Variants in PRIM2 observed in about 807,000 individuals in gnomAD.
The protein encoded by PRIM2 is DNA primase large subunit.
Under a neutral mutation model 67.3 loss-of-function variants are expected in PRIM2, and 39 were observed. That is an observed-to-expected ratio of 0.58 (90% CI 0.45 to 0.76). PRIM2 has a LOEUF of 0.76. PRIM2 is among the 30% of genes least tolerant of loss of function. PRIM2 has a pLI of 0.00. For synonymous variants in PRIM2, 143 were observed against 198.7 expected, an observed-to-expected ratio of 0.72 and a Z score of 2.36; for missense variants, 398 against 598.7, an observed-to-expected ratio of 0.66 and a Z score of 3.50.
chr6:57,305,564 C>T, the PRIM2 span, among the ~76,000 whole-genome samples: 1 of 152,222 alleles, frequency 6.6e-6, no homozygotes, highest in Non-Finnish European at 1.5e-5. Flanking sequence ...TGTGAAATAA[C>T]TACGTCATTT....
chr6:57,443,578 G>T (rs1376106824), intron 7 of PRIM2, among the ~76,000 whole-genome samples: 2 of 151,966 alleles, frequency 1.3e-5, no homozygotes, highest in African/African-American at 4.8e-5. Flanking sequence ...GTCTATTCTG[G>T]TCCCTTGCCC....
intron 7 of PRIM2, among the ~76,000 whole-genome samples, chr6:57,450,446 GCATAATGCCAA>G (rs1772506247): frequency 6.6e-6 from 1 of 152,158 alleles, no homozygotes; most frequent in African/African-American, 2.4e-5. Context: ...AAGAATCTTA[GCATAATGCCAA>G]CATAGTGCCA....
intron 12 of PRIM2, among the ~76,000 whole-genome samples, chr6:57,628,002 T>C (rs1475164110): frequency 4.3e-4 from 66 of 152,196 alleles, no homozygotes; most frequent in African/African-American, 1.5e-3. Flanking sequence ...TGTTCTTTGG[T>C]ATTATTGCAA....
At chr6:57,473,028 A>C (rs1773375891) in intron 7 of PRIM2, among the ~76,000 whole-genome samples, 2 of 152,340 alleles carry the variant, frequency 1.3e-5, no homozygotes, top group South Asian at 4.1e-4. Context: ...TATGATTTAT[A>C]ATACCCATTA....
chr6:57,393,739 G>C (rs1483817061), intron 7 of PRIM2, among the ~76,000 whole-genome samples: 1 of 151,872 alleles, frequency 6.6e-6, no homozygotes, highest in Admixed American at 6.6e-5. Flanking sequence ...CCTTGCCTAA[G>C]CCAGTGTCTA....
At chr6:57,379,148 A>G (rs1487696123) in intron 5 of PRIM2, among the ~76,000 whole-genome samples, 1 of 114,328 alleles carries the variant, frequency 8.7e-6, no homozygotes, top group Admixed American at 1.0e-4. Flanking sequence ...GGAAAATAGT[A>G]CACATTATTA....
chr6:57,568,871 C>G (rs1775802115), intron 10 of PRIM2, among the ~76,000 whole-genome samples: 1 of 152,238 alleles, frequency 6.6e-6, no homozygotes, highest in Non-Finnish European at 1.5e-5. Context: ...CTTGCAACCT[C>G]TTTGGGAGCT....
intron 8 of PRIM2, among the ~76,000 whole-genome samples, chr6:57,527,215 A>C (rs1361790547): frequency 6.6e-6 from 1 of 152,234 alleles, no homozygotes; most frequent in East Asian, 1.9e-4. Context: ...CATTGTAAAG[A>C]TGAGTGAAGA....
In PRIM2 at chr6:57,351,860, G is replaced by A. The variant is rs554425254; in HGVS notation, c.459+25815G>A. Among the ~76,000 whole-genome samples the A allele has an allele frequency of 9.6e-4, 146 of 152,214 alleles. 1 individual carries two copies. The highest frequency in any genetic ancestry group is 9.1e-3 in the South Asian group (44 of 4,820). ...TTGCTAAGGGAGAGAGGATGAATAA[G>A]ATCTGGGAAAATTAATCTTATAGTA... On this transcript the variant is annotated intron_variant, in intron 5 of 13. Coordinates refer to ENST00000615550, the MANE Select transcript of PRIM2 (RefSeq NM_000947.5).
At chr6:57,297,664 T>C in the PRIM2 span, among the ~76,000 whole-genome samples, 1 of 152,156 alleles carries the variant, frequency 6.6e-6, no homozygotes, top group African/African-American at 2.4e-5. Context: ...CTTAACCAAA[T>C]GACAGAAGTT....
chr6:57,523,075 C>T (rs1554349056), intron 8 of PRIM2, among the ~76,000 whole-genome samples: 7 of 151,874 alleles, frequency 4.6e-5, no homozygotes, highest in Non-Finnish European at 8.8e-5. Flanking sequence ...AAGAAATTGG[C>T]GAACGTTAAG....
intron 12 of PRIM2, among the ~76,000 whole-genome samples, chr6:57,626,719 G>A (rs1423414320): frequency 2.7e-5 from 4 of 150,824 alleles, no homozygotes; most frequent in East Asian, 4.0e-4. Context: ...CGACCTCCCC[G>A]ACTCAAGCGA....
chr6:57,635,724 G>A (rs1398970051), intron 13 of PRIM2, among the ~76,000 whole-genome samples: 18 of 151,914 alleles, frequency 1.2e-4, no homozygotes, highest in Admixed American at 1.2e-3. Flanking sequence ...AATAACTCAG[G>A]GTCATCATTA....
intron 12 of PRIM2, among the ~76,000 whole-genome samples, chr6:57,627,681 C>G (rs1292082688): frequency 7.9e-5 from 12 of 152,076 alleles, no homozygotes; most frequent in African/African-American, 2.4e-5. Context: ...GCCACCGTGC[C>G]CGTCCACTAC....
chr6:57,511,327 T>A (rs1327153026), intron 8 of PRIM2, among the ~76,000 whole-genome samples: 1 of 152,226 alleles, frequency 6.6e-6, no homozygotes, highest in African/African-American at 2.4e-5. Flanking sequence ...TTTTAATTCA[T>A]TAGTATTGTC....
At chr6:57,636,990 A>T (rs1253491910) in intron 13 of PRIM2, among the ~76,000 whole-genome samples, 2 of 152,178 alleles carry the variant, frequency 1.3e-5, no homozygotes, top group South Asian at 2.1e-4. Flanking sequence ...GCCGACAGAC[A>T]TCTCATACAG....
chr6:57,464,854 T>C (rs1457710623), intron 7 of PRIM2, among the ~76,000 whole-genome samples: 30 of 152,316 alleles, frequency 2.0e-4, no homozygotes, highest in African/African-American at 6.7e-4. Flanking sequence ...CATGTGTTAT[T>C]ACATTTAATC....
chr6:57,492,555 T>TA (rs1773922164), intron 7 of PRIM2, among the ~76,000 whole-genome samples: 1 of 145,696 alleles, frequency 6.9e-6, no homozygotes, highest in African/African-American at 2.7e-5. Flanking sequence ...AAAAAAAAAA[T>TA]AAATAAATAA....
intron 7 of PRIM2, among the ~76,000 whole-genome samples, chr6:57,484,002 ATTAAATAGTTC>A (rs1419242357): frequency 6.6e-6 from 1 of 152,216 alleles, no homozygotes; most frequent in East Asian, 1.9e-4. Flanking sequence ...TGATTACGAT[ATTAAATAGTTC>A]TCATGCCGTT....
Sources: allele counts gnomAD v4.1 joint callset (sites outside exome capture counted in the v4.1 genomes callset), GRCh38; gene constraint gnomAD v4.1.1; transcripts MANE v1.5; gene names NCBI Gene and HGNC (gene_info 2026-07-23, HGNC 2026-07-21).